The following WDR41 variants were observed in gnomAD, a reference collection of about 807,000 sequenced individuals.
WDR41 encodes WD repeat-containing protein 41.
A neutral mutation model predicts 69.3 loss-of-function variants in WDR41; 63 were observed. That is an observed-to-expected ratio of 0.91 (90% CI 0.74 to 1.12). The LOEUF (loss-of-function observed/expected upper bound fraction) is 1.12, where lower values mean the gene tolerates loss of function less well. WDR41 is among the 50% of genes most tolerant of loss of function. The pLI is 0.00. For synonymous variants in WDR41, 185 were observed against 192.1 expected (o/e 0.96, Z 0.31); for missense variants, 543 against 534.5 (o/e 1.02, Z -0.16).
rs990448231 is a variant in WDR41, at chr5:77,475,761, C to T, written c.168-10952G>A. Among the ~76,000 whole-genome samples the T allele has an allele frequency of 5.9e-5, 9 of 152,134 alleles. No individual in the cohort carries two copies. In the East Asian group the frequency reaches 7.7e-4, roughly 13 times the overall value. The stretch of plus-strand genomic sequence containing the variant: ...AAACTGGAAACTCTAAAAAGCAGAG[C>T]GCCTCTCCTCCTCCAAAGGAACGCA... On this transcript the variant is annotated intron_variant, in intron 2 of 12. Transcript: ENST00000296679.
chr5:77,530,159 A>C (rs2112205672), intron 1 of WDR41, among the ~76,000 whole-genome samples: 2 of 151,772 alleles, frequency 1.3e-5, no homozygotes, highest in South Asian at 4.1e-4. Context: ...CGAATATTAA[A>C]AAGACCACCA....
intron 2 of WDR41, among the ~76,000 whole-genome samples, chr5:77,480,384 T>C (rs533646991): frequency 1.4e-4 from 22 of 152,224 alleles, no homozygotes; most frequent in Non-Finnish European, 1.6e-4. Flanking sequence ...CGTATGTTTA[T>C]TGCGGCACTA....
At chr5:77,556,518 C>T (rs554037629) in intron 1 of WDR41, among the ~76,000 whole-genome samples, 67 of 152,124 alleles carry the variant, frequency 4.4e-4, no homozygotes, top group African/African-American at 1.6e-3. Flanking sequence ...AGCAATTCTC[C>T]TACGTGTAGC....
Position 77,437,383 on chromosome 5 carries a change from CA to C in WDR41, c.1045del (p.Trp349GlyfsTer3). ...AAGCTGCTGTTTTTCTCTTAACTCC[CA>C]AATGCGTACACTGCCATCTTCTGAG... Reference protein sequence around the residue: ...SCSEDGSVRIWELREKQQLAA... With the variant: ...SCSEDGSVRIXELREKQQLAA... On this transcript the variant is annotated frameshift_variant, in exon 11 of 13. Coordinates refer to ENST00000296679, the MANE Select transcript of WDR41 (RefSeq NM_018268.4). LOFTEE classifies it high-confidence loss of function. 34 of 1,613,968 alleles carry C rather than the reference CA, an allele frequency of 2.1e-5. No homozygotes were observed. The highest frequency in any genetic ancestry group is 2.9e-5 in the Non-Finnish European group (34 of 1,179,914).
chr5:77,542,074 G>A (rs1743098052), intron 1 of WDR41, among the ~76,000 whole-genome samples: 2 of 152,154 alleles, frequency 1.3e-5, no homozygotes, highest in South Asian at 4.1e-4. Flanking sequence ...TATACATCAT[G>A]GAATACTATG....
intron 12 of WDR41, among the ~76,000 whole-genome samples, chr5:77,433,795 A>G (rs898346335): frequency 2.0e-5 from 3 of 152,226 alleles, no homozygotes; most frequent in Non-Finnish European, 4.4e-5. Flanking sequence ...AGATTATGTA[A>G]TCAGGTACTA....
chr5:77,502,795 C>T (rs1455246093), intron 1 of WDR41, among the ~76,000 whole-genome samples: 2 of 152,114 alleles, frequency 1.3e-5, no homozygotes, highest in African/African-American at 4.8e-5. Context: ...GAAATAAAAT[C>T]CCTTACAGAC....
intron 11 of WDR41, among the ~76,000 whole-genome samples, chr5:77,436,801 C>T (rs1798952619): frequency 6.6e-6 from 1 of 152,112 alleles, no homozygotes; most frequent in Admixed American, 6.6e-5. Context: ...TCAAAAGGAC[C>T]AGAAACAACT....
At chr5:77,570,243 T>C (rs1011179457) in intron 1 of WDR41, among the ~76,000 whole-genome samples, 2 of 152,006 alleles carry the variant, frequency 1.3e-5, no homozygotes, top group Non-Finnish European at 2.9e-5. Flanking sequence ...GGCTATACTA[T>C]TGAATTTTTC....
chr5:77,565,051 G>A (rs912248482), intron 1 of WDR41, among the ~76,000 whole-genome samples: 1 of 151,988 alleles, frequency 6.6e-6, no homozygotes, highest in Admixed American at 6.6e-5. Flanking sequence ...TGAGGCAGTG[G>A]GCTCCCAGCT....
chr5:77,471,894 C>A (rs1433143121), intron 2 of WDR41, among the ~76,000 whole-genome samples: 1 of 152,176 alleles, frequency 6.6e-6, no homozygotes. Flanking sequence ...CTCCAATCAA[C>A]AGAAAAAGAG....
At chr5:77,454,305 C>G (rs1799743566) in intron 5 of WDR41, among the ~76,000 whole-genome samples, 1 of 152,170 alleles carries the variant, frequency 6.6e-6, no homozygotes, top group African/African-American at 2.4e-5. Flanking sequence ...TCCTGGGAGG[C>G]AGCTCCTCCA....
At chr5:77,582,981 A>C in intron 1 of WDR41, 1 of 1,605,042 alleles carries the variant, frequency 6.2e-7, no homozygotes, top group South Asian at 1.1e-5. Context: ...AACGCTTCAA[A>C]GAGGCAAATA....
intron 4 of WDR41, among the ~76,000 whole-genome samples, chr5:77,461,560 G>A (rs139883609): frequency 2.2e-4 from 34 of 152,302 alleles, no homozygotes; most frequent in African/African-American, 7.0e-4. Context: ...TAATATGACC[G>A]GAAACAGTGG....
At chr5:77,529,881 G>A (rs1044985219) in intron 1 of WDR41, among the ~76,000 whole-genome samples, 1 of 151,590 alleles carries the variant, frequency 6.6e-6, no homozygotes, top group Non-Finnish European at 1.5e-5. Flanking sequence ...CAAGTGATTT[G>A]TAGACCTAAG....
intron 2 of WDR41, among the ~76,000 whole-genome samples, chr5:77,480,405 C>G (rs1247397413): frequency 1.3e-5 from 2 of 152,096 alleles, no homozygotes; most frequent in African/African-American, 4.8e-5. Context: ...TTCACAATAG[C>G]AAGGACTTGG....
At position 77,450,164 on chromosome 5, in the gene WDR41, T is replaced by A. The variant is rs913638637; in HGVS notation, c.587-294A>T. On this transcript the variant is annotated intron_variant, in intron 7 of 12. Coordinates refer to ENST00000296679, the MANE Select transcript of WDR41 (RefSeq NM_018268.4). ...CTCTAGGGTTTCAACGGATGTCTTG[T>A]TATCTCAACTCACTCCCTCCCTAAT... 7.9e-5 allele frequency among the ~76,000 whole-genome samples: 12 copies of A among 152,174 alleles called. No homozygotes were observed. In the East Asian group the frequency reaches 2.1e-3, roughly 27 times the overall value.
intron 8 of WDR41, among the ~76,000 whole-genome samples, chr5:77,447,424 C>A (rs532402227): frequency 9.9e-5 from 15 of 152,272 alleles, no homozygotes; most frequent in Middle Eastern, 3.4e-3. Context: ...TGGGAATACA[C>A]CCAAAGGATA....
chr5:77,524,716 G>A (rs1455610596), intron 1 of WDR41, among the ~76,000 whole-genome samples: 1 of 151,838 alleles, frequency 6.6e-6, no homozygotes, highest in Non-Finnish European at 1.5e-5. Flanking sequence ...TCTGCTCCCC[G>A]CAGAACCACA....
Sources: allele counts gnomAD v4.1 joint callset (sites outside exome capture counted in the v4.1 genomes callset), GRCh38; gene constraint gnomAD v4.1.1; transcripts MANE v1.5; gene names NCBI Gene and HGNC (gene_info 2026-07-23, HGNC 2026-07-21).